COPA: variants seen among roughly 807,000 people sequenced by gnomAD.
COPA encodes coatomer subunit alpha.
A neutral mutation model predicts 158.7 loss-of-function variants in COPA; 10 were observed. The observed-to-expected ratio is 0.06, with a 90% CI of 0.04 to 0.11. The LOEUF (loss-of-function observed/expected upper bound fraction) is 0.11. Among genes scored for constraint, COPA ranks in the 10% least tolerant of loss-of-function variants. The probability of loss-of-function intolerance (pLI) is 1.00; values close to 1 mark genes in which losing one functional copy is unlikely to be tolerated. For missense variants in COPA, 1,065 were observed against 1,536.7 expected, an observed-to-expected ratio of 0.69 and a Z score of 5.13; for synonymous variants, 462 against 542.8, an observed-to-expected ratio of 0.85 and a Z score of 2.07.
In COPA at chr1:160,295,830, C is replaced by A; in HGVS notation, c.2382G>T (p.Leu794=). Residue 794 remains leucine (L), a synonymous_variant, in exon 23 of 33, where the codon CTG becomes CTT. Coordinates refer to ENST00000241704, the MANE Select transcript of COPA (RefSeq NM_004371.4). ...TIPDIDPNAK[L]LQPPAPIMPL... is the part of the protein sequence containing the mutation. ...GCATGATAGGTGCAGGTGGCTGGAGCAGCTTGGCATTAGGGTCAATGTCTG... is the reference window on the plus strand; with the variant it reads ...GCATGATAGGTGCAGGTGGCTGGAGAAGCTTGGCATTAGGGTCAATGTCTG... The A allele has an allele frequency of 6.2e-7, 1 of 1,612,858 alleles. No individual in the cohort carries two copies. Among genetic ancestry groups the A allele is most frequent in the Non-Finnish European group, 8.5e-7 (1 of 1,179,680 alleles).
At chr1:160,330,972 G>A (rs1424951746) in intron 6 of COPA, among the ~76,000 whole-genome samples, 4 of 151,940 alleles carry the variant, frequency 2.6e-5, no homozygotes, top group African/African-American at 9.7e-5. Flanking sequence ...TCAGGAGCTC[G>A]AGACCAGCCT....
At chr1:160,342,760 T>C (rs371991200) in intron 1 of COPA, among the ~76,000 whole-genome samples, 1 of 152,016 alleles carries the variant, frequency 6.6e-6, no homozygotes, top group African/African-American at 2.4e-5. Context: ...AGATCGAGAC[T>C]CAGTTCCCAG....
At chr1:160,301,540 C>A (rs553094179) in intron 17 of COPA, among the ~76,000 whole-genome samples, 30 of 152,012 alleles carry the variant, frequency 2.0e-4, no homozygotes, top group African/African-American at 7.2e-4. Flanking sequence ...TGGGAGGCCA[C>A]GGCAGGCCGA....
Position 160,294,765 on chromosome 1 carries a change from T to C in COPA, c.2566+3A>G. 6.2e-7 allele frequency: 1 copy of C among 1,614,056 alleles called. No individual in the cohort carries two copies. The highest frequency in any genetic ancestry group is 8.5e-7 in the Non-Finnish European group (1 of 1,179,952). On this transcript the variant is annotated splice_donor_region_variant and intron_variant, in intron 24 of 32. Coordinates refer to ENST00000241704, the MANE Select transcript of COPA (RefSeq NM_004371.4). Reference sequence around the variant, plus strand: ...CAGAACAGTCTTAAAACAGCACTTTTACCTTCATCCAACTGCAGCTCTGCA... The same window carrying C: ...CAGAACAGTCTTAAAACAGCACTTTCACCTTCATCCAACTGCAGCTCTGCA...
At chr1:160,338,238 G>T (rs1012101911) in intron 3 of COPA, among the ~76,000 whole-genome samples, 2 of 152,192 alleles carry the variant, frequency 1.3e-5, no homozygotes, top group Admixed American at 6.5e-5. Flanking sequence ...ATAATGAGGT[G>T]ATATCCTTAT....
At chr1:160,326,382 C>A (rs1659491844) in intron 6 of COPA, among the ~76,000 whole-genome samples, 1 of 152,166 alleles carries the variant, frequency 6.6e-6, no homozygotes, top group African/African-American at 2.4e-5. Context: ...TAAAAATTAG[C>A]TAGGTGCAGT....
chr1:160,341,688 C>T (rs909228956), intron 1 of COPA, among the ~76,000 whole-genome samples: 1 of 152,100 alleles, frequency 6.6e-6, no homozygotes, highest in Non-Finnish European at 1.5e-5. Flanking sequence ...TAAGACCCTC[C>T]CCCCAAAAAA....
intron 7 of COPA, among the ~76,000 whole-genome samples, chr1:160,323,836 T>A (rs903463500): frequency 1.3e-5 from 2 of 152,236 alleles, no homozygotes; most frequent in African/African-American, 4.8e-5. Context: ...CAAATAATTA[T>A]TAATATCTCC....
intron 26 of COPA, 61 bp from the exon 27 acceptor site, chr1:160,293,295 G>GT: frequency 6.2e-7 from 1 of 1,610,688 alleles, no homozygotes; most frequent in Non-Finnish European, 8.5e-7. Flanking sequence ...ATTCTCCTCT[G>GT]TAACTATAGT....
chr1:160,308,685 T>G (rs145380266), intron 13 of COPA, among the ~76,000 whole-genome samples: 6 of 152,294 alleles, frequency 3.9e-5, no homozygotes, highest in African/African-American at 1.4e-4. Flanking sequence ...CTCATCTTTT[T>G]GACATGCAAA....
intron 8 of COPA, chr1:160,317,723 T>C: frequency 7.2e-7 from 1 of 1,389,566 alleles, no homozygotes; most frequent in South Asian, 1.2e-5. Context: ...TTTTTATTTT[T>C]TTTCTTTTCC....
rs1000625784 is a variant in COPA, at chr1:160,337,716, C to T, written c.228+2193G>A. ...CCTGGGCAACAGAACAAGACTCCATCGCAAAAAACAAACAAACAAACAAAC... is the reference window on the plus strand; with the variant it reads ...CCTGGGCAACAGAACAAGACTCCATTGCAAAAAACAAACAAACAAACAAAC... On this transcript the variant is annotated intron_variant, in intron 3 of 32. Transcript: ENST00000241704. 9.2e-5 allele frequency among the ~76,000 whole-genome samples: 13 copies of T among 141,954 alleles called. No homozygotes were observed. In the East Asian group the frequency reaches 2.4e-3, roughly 26 times the overall value. 93.1% of individuals were successfully genotyped at this position (141,954 alleles called of 152,430 possible).
At chr1:160,312,404 A>T (rs1188330626) in intron 10 of COPA, among the ~76,000 whole-genome samples, 1 of 152,240 alleles carries the variant, frequency 6.6e-6, no homozygotes, top group Non-Finnish European at 1.5e-5. Flanking sequence ...GCATATAAAA[A>T]GAGTATAAGA....
chr1:160,290,136 C>T lies in COPA; in HGVS notation c.*21G>A. ...TCTGGGGGGAACATATGGTGACTGA[C>T]CCATGCACACAAAGGGGGCCTTAGC... On this transcript the variant is annotated 3_prime_UTR_variant, in exon 33 of 33. Transcript: ENST00000241704. 6.2e-7 allele frequency: 1 copy of T among 1,612,734 alleles called. No homozygotes were observed. Among genetic ancestry groups the T allele is most frequent in the Non-Finnish European group, 8.5e-7 (1 of 1,178,912 alleles).
Position 160,294,825 on chromosome 1 carries a change from T to G in COPA, c.2509A>C (p.Ile837Leu). The change falls in exon 24 of 33, where the codon ATT (isoleucine) becomes CTT (leucine). Residue 837 changes from isoleucine (I) to leucine (L), a missense_variant. This residue lies in a region of COPA where 980 missense variants were observed against 1,357.8 expected (regional missense o/e 0.72). Transcript: ENST00000241704. Reference protein sequence around the residue: ...KGGALAADIDIDTVGTEGWGE... With the variant: ...KGGALAADIDLDTVGTEGWGE... ...CAGCCCTCTGTACCAACAGTGTCAATGTCAATGTCAGCAGCCAGTGCTCCT... is the reference window on the plus strand; with the variant it reads ...CAGCCCTCTGTACCAACAGTGTCAAGGTCAATGTCAGCAGCCAGTGCTCCT... 2.5e-6 allele frequency: 4 copies of G among 1,614,010 alleles called. No individual in the cohort carries two copies. The highest frequency in any genetic ancestry group is 3.4e-6 in the Non-Finnish European group (4 of 1,179,962).
chr1:160,290,735 C>T, intron 31 of COPA, 49 bp from the exon 32 acceptor site: 2 of 1,559,194 alleles, frequency 1.3e-6, no homozygotes, highest in Non-Finnish European at 1.8e-6. Context: ...GCAGACAACA[C>T]CTCAAAGGAT....
At chr1:160,310,082 A>C (rs1195117013) in intron 12 of COPA, 110 bp downstream of exon 12, 4 of 617,116 alleles carry the variant, frequency 6.5e-6, no homozygotes, top group Non-Finnish European at 1.1e-5. Flanking sequence ...CAGCTCTCAC[A>C]AAATGACCAT....
At chr1:160,315,908 A>C (rs1190598287) in intron 8 of COPA, among the ~76,000 whole-genome samples, 1 of 152,244 alleles carries the variant, frequency 6.6e-6, no homozygotes, top group Admixed American at 6.5e-5. Context: ...TTACCAGAGA[A>C]GTTTAACAAA....
intron 3 of COPA, among the ~76,000 whole-genome samples, chr1:160,336,326 C>T (rs1488296024): frequency 6.9e-6 from 1 of 145,096 alleles, no homozygotes; most frequent in Non-Finnish European, 1.5e-5. Flanking sequence ...GAGAGAGGCT[C>T]GGTCTCAAAA....
Sources: gnomAD v4.1 joint callset for allele counts (sites outside exome capture counted in the v4.1 genomes callset) on GRCh38, gnomAD v4.1.1 for gene constraint, gnomAD v4.1.1 regional missense constraint, MANE v1.5 for transcripts, NCBI Gene and HGNC (gene_info 2026-07-23, HGNC 2026-07-21) for gene names.